Variants in KATNAL2 observed in about 807,000 individuals in gnomAD.
KATNAL2 encodes katanin p60 ATPase-containing subunit A-like 2.
KATNAL2 carries 52 observed loss-of-function variants against 76.3 expected under a neutral mutation model. The ratio of observed to expected loss-of-function variants is 0.68; its 90% CI spans 0.55 to 0.86. The LOEUF (loss-of-function observed/expected upper bound fraction) is 0.86, where lower values mean the gene tolerates loss of function less well. Ranked by LOEUF, KATNAL2 falls within the 40% of genes least tolerant of loss-of-function variation. The pLI, the probability that KATNAL2 is intolerant of heterozygous loss-of-function variation, is 0.00. For missense variants in KATNAL2, 660 were observed against 668.9 expected (o/e 0.99, Z 0.15); for synonymous variants, 243 against 244.2 (o/e 1.00, Z 0.05).
intron 3 of KATNAL2, among the ~76,000 whole-genome samples, chr18:47,031,484 G>A (rs1030466506): frequency 1.4e-4 from 21 of 151,848 alleles, no homozygotes; most frequent in Non-Finnish European, 2.9e-4. Flanking sequence ...AAATCATTAT[G>A]CCCTGAGAAT....
At chr18:46,932,462 G>T (rs2058956805) in intron 1 of KATNAL2, among the ~76,000 whole-genome samples, 1 of 151,660 alleles carries the variant, frequency 6.6e-6, no homozygotes, top group Non-Finnish European at 1.5e-5. Context: ...ATTACCTGAG[G>T]TCAGGAGTTT....
At position 47,054,037 on chromosome 18, in the gene KATNAL2, A is replaced by T. The variant is rs151093117; in HGVS notation, c.290-359A>T. Among the ~76,000 whole-genome samples, 10 of 152,360 alleles carry T rather than the reference A, an allele frequency of 6.6e-5. No individual in the cohort carries two copies. The East Asian group carries it at 1.9e-3, about 29-fold the overall frequency. ...TGTTCCCTGCCAGATTCGTGCAATC[A>T]TCCTGGTGTCCCATGTAATGCAGCA... On this transcript the variant is annotated intron_variant, in intron 5 of 17. Coordinates refer to ENST00000683218, the MANE Select transcript of KATNAL2 (RefSeq NM_001387690.1).
intron 1 of KATNAL2, among the ~76,000 whole-genome samples, chr18:46,920,612 G>C (rs1296045265): frequency 6.6e-6 from 1 of 152,184 alleles, no homozygotes; most frequent in African/African-American, 2.4e-5. Flanking sequence ...TGTCTCACCA[G>C]ACCAGATTAT....
At chr18:47,035,671 G>T in intron 3 of KATNAL2, 1 of 344,902 alleles carries the variant, frequency 2.9e-6, no homozygotes. Context: ...TCAGCACAAT[G>T]CAGACAATCG....
intron 1 of KATNAL2, among the ~76,000 whole-genome samples, chr18:46,942,623 CA>C (rs1324003143): frequency 7.7e-6 from 1 of 129,698 alleles, no homozygotes; most frequent in African/African-American, 3.0e-5. Flanking sequence ...CCATCTCAAA[CA>C]AACAAACAAA....
rs757927448 is a variant in KATNAL2 at position 47,034,750 on chromosome 18, G to A, written c.52-11707G>A. Reference sequence around the variant, plus strand: ...CATCCGGAGGGGAGCTGTGCGCGTTGGAGAGGCCCGATAGCGGCCGGAATC... The same window carrying A: ...CATCCGGAGGGGAGCTGTGCGCGTTAGAGAGGCCCGATAGCGGCCGGAATC... On this transcript the variant is annotated intron_variant, in intron 3 of 17. Transcript: ENST00000683218. The A allele has an allele frequency of 3.1e-6, 5 of 1,612,778 alleles. No individual in the cohort carries two copies. The South Asian group carries it at 5.5e-5, about 18-fold the overall frequency.
At chr18:47,069,093 C>CA (rs1180208146) in intron 11 of KATNAL2, 127 bp from the exon 12 acceptor site, 2 of 654,672 alleles carry the variant, frequency 3.1e-6, no homozygotes, top group Non-Finnish European at 5.4e-6. Flanking sequence ...CAACCTTAAG[C>CA]AAAAAAGGGA....
At chr18:46,967,502 TGC>T (rs368079834) in intron 3 of KATNAL2, among the ~76,000 whole-genome samples, 10 of 102,038 alleles carry the variant, frequency 9.8e-5, no homozygotes, top group East Asian at 9.7e-4. Flanking sequence ...TGTGTGTGTG[TGC>T]GCGCGCGCGT....
chr18:47,069,426 A>T, intron 12 of KATNAL2, 56 bp from the exon 13 acceptor site: 1 of 1,443,746 alleles, frequency 6.9e-7, no homozygotes, highest in East Asian at 2.3e-5. Flanking sequence ...ACTTCTGTCT[A>T]TAAGCAGGGG....
intron 8 of KATNAL2, among the ~76,000 whole-genome samples, chr18:47,062,598 T>C (rs2061669810): frequency 6.6e-6 from 1 of 152,196 alleles, no homozygotes; most frequent in Admixed American, 6.5e-5. Flanking sequence ...TCACAATCCA[T>C]AGACAGGAAC....
At chr18:47,047,970 C>G (rs2147068429) in intron 4 of KATNAL2, among the ~76,000 whole-genome samples, 1 of 152,296 alleles carries the variant, frequency 6.6e-6, no homozygotes, top group South Asian at 2.1e-4. Flanking sequence ...ACCTCCCAGT[C>G]ACTGAGATTA....
intron 16 of KATNAL2, 119 bp downstream of exon 16, chr18:47,099,524 G>GC (rs1568032688): frequency 7.4e-6 from 7 of 945,252 alleles, no homozygotes; most frequent in Non-Finnish European, 9.1e-6. Flanking sequence ...GATCCAAGCT[G>GC]CCCCCGTAAT....
At chr18:47,084,376 G>A (rs1158596907) in intron 15 of KATNAL2, 8 of 702,718 alleles carry the variant, frequency 1.1e-5, no homozygotes, top group Middle Eastern at 2.3e-4. Flanking sequence ...TGTCCTCCCT[G>A]CCTGCAATCA....
At chr18:47,099,164 A>C in intron 15 of KATNAL2, 79 bp from the exon 16 acceptor site, 1 of 1,439,678 alleles carries the variant, frequency 6.9e-7, no homozygotes, top group Non-Finnish European at 9.5e-7. Context: ...CTGCAATGCT[A>C]AATTGTTCTT....
At chr18:46,928,336 T>C (rs918747199) in intron 1 of KATNAL2, among the ~76,000 whole-genome samples, 11 of 152,182 alleles carry the variant, frequency 7.2e-5, no homozygotes, top group Non-Finnish European at 1.5e-4. Flanking sequence ...GTGTTGGAAT[T>C]TGCTAGAGGT....
chr18:47,035,448 G>T, intron 3 of KATNAL2: 1 of 1,322,264 alleles, frequency 7.6e-7, no homozygotes, highest in African/African-American at 1.5e-5. Flanking sequence ...GTCTGGAACG[G>T]CCGTCCTTGC....
intron 15 of KATNAL2, among the ~76,000 whole-genome samples, chr18:47,092,453 C>T (rs578010194): frequency 4.6e-5 from 7 of 152,212 alleles, no homozygotes; most frequent in Admixed American, 3.9e-4. Context: ...GAGCCAAGAT[C>T]GCACCACTGC....
chr18:47,052,662 A>G (rs2061369304), intron 4 of KATNAL2, among the ~76,000 whole-genome samples: 1 of 152,240 alleles, frequency 6.6e-6, no homozygotes, highest in South Asian at 2.1e-4. Context: ...TAAGTATGTA[A>G]CTTTCAAAGG....
At chr18:46,924,288 G>A (rs1446842209) in intron 1 of KATNAL2, among the ~76,000 whole-genome samples, 1 of 152,080 alleles carries the variant, frequency 6.6e-6, no homozygotes, top group African/African-American at 2.4e-5. Context: ...TCAGCTTTCT[G>A]CATATGGCTA....
Sources: gnomAD v4.1 joint callset for allele counts (sites outside exome capture counted in the v4.1 genomes callset) on GRCh38, gnomAD v4.1.1 for gene constraint, MANE v1.5 for transcripts, NCBI Gene and HGNC (gene_info 2026-07-23, HGNC 2026-07-21) for gene names.